Variants in SCARA3 observed in about 807,000 individuals in gnomAD.
SCARA3 encodes the protein cellular stress response gene protein.
SCARA3 carries 39 observed loss-of-function variants against 47.0 expected under a neutral mutation model. The ratio of observed to expected loss-of-function variants is 0.83; its 90% CI spans 0.64 to 1.08. The LOEUF is 1.08. Ranked by LOEUF, SCARA3 falls within the 50% of genes least tolerant of loss-of-function variation. The probability of loss-of-function intolerance (pLI) is 0.00; values close to 1 mark genes in which losing one functional copy is unlikely to be tolerated. For synonymous variants in SCARA3, 356 were observed against 334.1 expected (o/e 1.07, Z -0.71); for missense variants, 724 against 792.3 (o/e 0.91, Z 1.04).
At chr8:27,680,857 A>G (rs965787171), downstream of SCARA3, among the ~76,000 whole-genome samples, 1 of 152,190 alleles carries the variant, frequency 6.6e-6, no homozygotes, top group African/African-American at 2.4e-5. Context: ...AAAATCAATC[A>G]ATATAGTTTG....
intron 3 of SCARA3, 59 bp downstream of exon 3, chr8:27,651,686 A>T: frequency 6.3e-7 from 1 of 1,595,870 alleles, no homozygotes; most frequent in African/African-American, 1.3e-5. Flanking sequence ...GGGATCCAGC[A>T]CCAAAAGTTC....
intron 5 of SCARA3, among the ~76,000 whole-genome samples, chr8:27,664,595 A>G (rs528408580): frequency 5.9e-5 from 9 of 152,228 alleles, no homozygotes; most frequent in East Asian, 5.8e-4. Context: ...CTGCTAAGCT[A>G]TAGGGTGTGG....
intron 1 of SCARA3, among the ~76,000 whole-genome samples, chr8:27,638,635 C>A (rs1349379367): frequency 6.6e-6 from 1 of 152,158 alleles, no homozygotes; most frequent in African/African-American, 2.4e-5. Flanking sequence ...CTGTATTCAA[C>A]AAACAGCGAT....
At position 27,658,507 on chromosome 8, in the gene SCARA3, C is replaced by A. The variant is rs752650971; in HGVS notation, c.337C>A (p.Leu113Met). 12 of 1,608,186 alleles carry A rather than the reference C, an allele frequency of 7.5e-6. No homozygotes were observed. The highest frequency in any genetic ancestry group is 1.1e-5 in the South Asian group (1 of 89,936). Reference sequence around the variant, plus strand: ...CCTTTCCCCTAAAGATCCGAAAGCCCTGAACAACTGCTCTTTCTGCCATGA... The same window carrying A: ...CCTTTCCCCTAAAGATCCGAAAGCCATGAACAACTGCTCTTTCTGCCATGA... ...KNLQGLDPKALNNCSFCHEAG... is the reference protein window; with the variant it reads ...KNLQGLDPKAMNNCSFCHEAG... Residue 113 changes from leucine (L) to methionine (M), a missense_variant, in exon 5 of 6, where the codon CTG becomes ATG. By Grantham distance (15) the Leu-to-Met change is conservative (BLOSUM62 2). Transcript: ENST00000301904.
chr8:27,703,496 C>A, the SCARA3 span: 1 of 152,394 alleles, frequency 6.6e-6, no homozygotes, highest in African/African-American at 2.4e-5. Flanking sequence ...CAAAAGGCAA[C>A]AGACTGCGGC....
At chr8:27,714,087 C>T in the SCARA3 span, among the ~76,000 whole-genome samples, 1 of 152,060 alleles carries the variant, frequency 6.6e-6, no homozygotes, top group East Asian at 1.9e-4. Flanking sequence ...CTTCCTGAGG[C>T]CTCCTCCCCA....
chr8:27,652,761 A>G (rs536945515), intron 3 of SCARA3, among the ~76,000 whole-genome samples: 23 of 152,320 alleles, frequency 1.5e-4, no homozygotes, highest in African/African-American at 5.5e-4. Flanking sequence ...TTCACCATCA[A>G]GGGGCATGGT....
intron 5 of SCARA3, among the ~76,000 whole-genome samples, chr8:27,670,612 C>T (rs1802123307): frequency 6.6e-6 from 1 of 152,196 alleles, no homozygotes; most frequent in African/African-American, 2.4e-5. Flanking sequence ...TCAGACTGGC[C>T]TCAGAGCAGG....
At chr8:27,663,414 G>A (rs1366252694) in intron 5 of SCARA3, among the ~76,000 whole-genome samples, 1 of 152,198 alleles carries the variant, frequency 6.6e-6, no homozygotes, top group Non-Finnish European at 1.5e-5. Flanking sequence ...CGGGACCCCT[G>A]GGCATCTGGG....
intron 5 of SCARA3, among the ~76,000 whole-genome samples, chr8:27,668,268 C>T (rs1031001598): frequency 8.5e-5 from 13 of 152,144 alleles, no homozygotes; most frequent in Non-Finnish European, 1.5e-4. Context: ...TAGCCGGGCG[C>T]GGTGGCTCAC....
chr8:27,656,773 T>C lies in SCARA3; in HGVS notation c.227-9T>C. The stretch of plus-strand genomic sequence containing the variant: ...CCCTGCCCCAGCTTCTCATCTGTTT[T>C]CCCTACAGTTTTCAGAAAAGTGGAC... On this transcript the variant is annotated splice_polypyrimidine_tract_variant and intron_variant, in intron 3 of 5. Coordinates refer to ENST00000301904, the MANE Select transcript of SCARA3 (RefSeq NM_016240.3). 1 of 1,560,604 alleles carries C rather than the reference T, an allele frequency of 6.4e-7. No individual in the cohort carries two copies. The highest frequency in any genetic ancestry group is 8.8e-7 in the Non-Finnish European group (1 of 1,131,202).
intron 5 of SCARA3, among the ~76,000 whole-genome samples, chr8:27,668,321 A>T (rs1304859518): frequency 6.6e-6 from 1 of 151,552 alleles, no homozygotes; most frequent in Non-Finnish European, 1.5e-5. Flanking sequence ...CGGGTGGATC[A>T]TGAGGTCAGG....
At chr8:27,689,929 G>A in the SCARA3 span, among the ~76,000 whole-genome samples, 925 of 152,246 alleles carry the variant, frequency 6.1e-3, 13 homozygotes, top group African/African-American at 0.021. Context: ...TTCAAGACCA[G>A]CCTGGACAAC....
At chr8:27,635,049 C>T (rs987926892) in intron 1 of SCARA3, among the ~76,000 whole-genome samples, 2 of 152,182 alleles carry the variant, frequency 1.3e-5, no homozygotes, top group Non-Finnish European at 2.9e-5. Context: ...CCAGCAGATG[C>T]TTGTGTTCCT....
the SCARA3 span, among the ~76,000 whole-genome samples, chr8:27,685,351 C>T: frequency 6.6e-6 from 1 of 152,142 alleles, no homozygotes; most frequent in Non-Finnish European, 1.5e-5. Flanking sequence ...CATAGAAAGA[C>T]CTACAAGCAA....
chr8:27,655,517 G>T (rs935022382), intron 3 of SCARA3, among the ~76,000 whole-genome samples: 1 of 152,114 alleles, frequency 6.6e-6, no homozygotes, highest in African/African-American at 2.4e-5. Context: ...TGCCCGTGGG[G>T]TATAAAGTGG....
chr8:27,646,979 CCCCG>C (rs1801515159), intron 1 of SCARA3, among the ~76,000 whole-genome samples: 1 of 113,942 alleles, frequency 8.8e-6, no homozygotes, highest in African/African-American at 3.3e-5. Context: ...CCCGCCCCCC[CCCCG>C]CACACACACA....
chr8:27,691,952 A>C, the SCARA3 span, among the ~76,000 whole-genome samples: 1 of 152,080 alleles, frequency 6.6e-6, no homozygotes, highest in Non-Finnish European at 1.5e-5. Flanking sequence ...GTAAACCAAA[A>C]ATAAAGTTCC....
the SCARA3 span, among the ~76,000 whole-genome samples, chr8:27,730,505 T>A: frequency 2.6e-3 from 395 of 150,220 alleles, 7 homozygotes; most frequent in African/African-American, 9.2e-3. Context: ...TTTTTTTTTT[T>A]AATCGGGTCT....
Sources: allele counts gnomAD v4.1 joint callset (sites outside exome capture counted in the v4.1 genomes callset), GRCh38; gene constraint gnomAD v4.1.1; transcripts MANE v1.5; gene names NCBI Gene and HGNC (gene_info 2026-07-23, HGNC 2026-07-21).